The following CHCHD3 variants were observed in gnomAD, a reference collection of about 807,000 sequenced individuals.
CHCHD3 encodes the protein coiled-coil-helix-coiled-coil-helix domain containing 3, also known as MICOS complex subunit MIC19.
CHCHD3 carries 20 observed loss-of-function variants against 38.2 expected under a neutral mutation model. The ratio of observed to expected loss-of-function variants is 0.52; its 90% CI spans 0.37 to 0.76. The LOEUF (loss-of-function observed/expected upper bound fraction) is 0.76, where lower values mean the gene tolerates loss of function less well. Among genes scored for constraint, CHCHD3 ranks in the 30% least tolerant of loss-of-function variants. The pLI is 0.00. For missense variants in CHCHD3, 245 were observed against 279.2 expected (o/e 0.88, Z 0.87); for synonymous variants, 82 against 100.0 (o/e 0.82, Z 1.07).
intron 6 of CHCHD3, among the ~76,000 whole-genome samples, chr7:132,820,865 C>T (rs1807357029): frequency 1.3e-5 from 2 of 152,116 alleles, no homozygotes; most frequent in African/African-American, 4.8e-5. Flanking sequence ...GAAAAATATT[C>T]TAAAACTATG....
Position 132,788,127 on chromosome 7 carries a change from C to T in CHCHD3, c.661-2467G>A, listed in dbSNP as rs569791601. 6.6e-6 allele frequency among the ~76,000 whole-genome samples: 1 copy of T among 152,300 alleles called. No homozygotes were observed. The highest frequency in any genetic ancestry group is 2.1e-4 in the South Asian group (1 of 4,824). ...TGATCTGTGTGAGCCTCTCCAATCA[C>T]ATAGATGATAAGTTCTATAAATTCC... On this transcript the variant is annotated intron_variant, in intron 7 of 7. Coordinates refer to ENST00000262570, the MANE Select transcript of CHCHD3 (RefSeq NM_017812.4). The surrounding 1 kb of genome is among the most constrained non-coding windows in gnomAD (Gnocchi z 4.0).
chr7:133,062,094 A>T (rs62465354), intron 2 of CHCHD3, among the ~76,000 whole-genome samples: 1 of 151,500 alleles, frequency 6.6e-6, no homozygotes, highest in African/African-American at 2.4e-5. Context: ...CCTTACTTTT[A>T]AATTTTTTTT....
chr7:133,007,078 A>G (rs546875093), intron 3 of CHCHD3, among the ~76,000 whole-genome samples: 2 of 152,248 alleles, frequency 1.3e-5, no homozygotes, highest in Admixed American at 6.5e-5. Context: ...CATTTCTCTA[A>G]TTTTCTAAAC....
intron 4 of CHCHD3, among the ~76,000 whole-genome samples, chr7:132,960,675 A>G (rs1177591792): frequency 6.6e-6 from 1 of 152,172 alleles, no homozygotes; most frequent in Non-Finnish European, 1.5e-5. Flanking sequence ...TCTAATGGTC[A>G]CATTAAAAAT....
intron 4 of CHCHD3, among the ~76,000 whole-genome samples, chr7:132,956,426 T>C (rs1311002355): frequency 1.3e-5 from 2 of 152,238 alleles, no homozygotes; most frequent in Non-Finnish European, 2.9e-5. Flanking sequence ...GTCAAATACA[T>C]ACACAAACAC....
intron 3 of CHCHD3, among the ~76,000 whole-genome samples, chr7:133,018,119 T>C (rs1813078686): frequency 6.6e-6 from 1 of 152,086 alleles, no homozygotes; most frequent in African/African-American, 2.4e-5. Flanking sequence ...AAAAATATGA[T>C]TAATAAAAAA....
intron 4 of CHCHD3, among the ~76,000 whole-genome samples, chr7:132,897,418 C>T (rs141600896): frequency 1.3e-5 from 2 of 152,270 alleles, no homozygotes; most frequent in East Asian, 3.9e-4. Context: ...ACCAATTGGC[C>T]ACTCAACCTC....
At chr7:132,939,497 G>A (rs1282748061) in intron 4 of CHCHD3, among the ~76,000 whole-genome samples, 1 of 152,176 alleles carries the variant, frequency 6.6e-6, no homozygotes, top group African/African-American at 2.4e-5. Flanking sequence ...TTGTAGCCTA[G>A]GAGCAACAGG....
At chr7:132,998,400 G>A (rs1034288463) in intron 3 of CHCHD3, among the ~76,000 whole-genome samples, 19 of 152,124 alleles carry the variant, frequency 1.2e-4, no homozygotes, top group African/African-American at 3.4e-4. Flanking sequence ...AAAAGACTGC[G>A]GACGCCAGGC....
At chr7:132,964,800 A>G (rs1811416749) in intron 4 of CHCHD3, among the ~76,000 whole-genome samples, 2 of 152,330 alleles carry the variant, frequency 1.3e-5, no homozygotes, top group African/African-American at 4.8e-5. Flanking sequence ...TTTGCAATAC[A>G]GGGATTCACA....
At chr7:132,888,867 G>A (rs1292690953) in intron 4 of CHCHD3, among the ~76,000 whole-genome samples, 1 of 152,018 alleles carries the variant, frequency 6.6e-6, no homozygotes, top group East Asian at 1.9e-4. Flanking sequence ...GAGAAATGGG[G>A]GAGGGAGGAG....
rs556629352 is a variant in CHCHD3, at chr7:132,892,215, C to T, written c.370-6470G>A. Among the ~76,000 whole-genome samples, 23 of 152,278 alleles carry T rather than the reference C, an allele frequency of 1.5e-4. No individual in the cohort carries two copies. In the South Asian group the frequency reaches 3.3e-3, roughly 22 times the overall value. On this transcript the variant is annotated intron_variant, in intron 4 of 7. Coordinates refer to ENST00000262570, the MANE Select transcript of CHCHD3 (RefSeq NM_017812.4). The stretch of plus-strand genomic sequence containing the variant: ...TGGAACTTCTGAGAGACTTGTTGAA[C>T]GGTTTTGACCAAAATGCTGATAGTG...
chr7:132,971,089 T>C (rs1286819969), intron 4 of CHCHD3, among the ~76,000 whole-genome samples: 2 of 152,174 alleles, frequency 1.3e-5, no homozygotes, highest in African/African-American at 4.8e-5. Context: ...TACTCTTCAA[T>C]TTCAAAAAAG....
At chr7:132,819,094 T>A (rs1347089061) in intron 6 of CHCHD3, among the ~76,000 whole-genome samples, 1 of 152,216 alleles carries the variant, frequency 6.6e-6, no homozygotes, top group Non-Finnish European at 1.5e-5. Flanking sequence ...GCACAGTATA[T>A]ATGCCAGGTG....
intron 4 of CHCHD3, among the ~76,000 whole-genome samples, chr7:132,910,607 T>C (rs751705344): frequency 8.5e-5 from 13 of 152,342 alleles, no homozygotes; most frequent in Admixed American, 2.0e-4. Context: ...TGCCAAGAGA[T>C]AGCTCTAAGC....
At position 133,056,418 on chromosome 7, in the gene CHCHD3, A is replaced by G. The variant is rs1046210687; in HGVS notation, c.169+13724T>C. Among the ~76,000 whole-genome samples, 11 of 152,040 alleles carry G rather than the reference A, an allele frequency of 7.2e-5. No individual in the cohort carries two copies. In the South Asian group the frequency reaches 1.0e-3, roughly 14 times the overall value. On this transcript the variant is annotated intron_variant, in intron 2 of 7. Transcript: ENST00000262570. The stretch of plus-strand genomic sequence containing the variant: ...CCAATTCCATCATGTCTGATTGGTA[A>G]ACTCCTATTATTCCTCCTTCAATAT...
chr7:132,957,905 T>TA (rs1253790679), intron 4 of CHCHD3, among the ~76,000 whole-genome samples: 1 of 152,196 alleles, frequency 6.6e-6, no homozygotes, highest in Non-Finnish European at 1.5e-5. Flanking sequence ...TGGATGAACT[T>TA]AGTATTGCAC....
Position 132,813,976 on chromosome 7 carries a change from T to C in CHCHD3, c.525-17399A>G, listed in dbSNP as rs10237315. On this transcript the variant is annotated intron_variant, in intron 6 of 7. Transcript: ENST00000262570. Reference sequence around the variant, plus strand: ...ATAAATGGAATTGTATTTGAAGTAATTACACTTGGCATAGATTTACCCACT... The same window carrying C: ...ATAAATGGAATTGTATTTGAAGTAACTACACTTGGCATAGATTTACCCACT... 2.6e-3 allele frequency among the ~76,000 whole-genome samples: 390 copies of C among 152,308 alleles called. 3 individuals carry two copies. The highest frequency in any genetic ancestry group is 8.8e-3 in the African/African-American group (367 of 41,566).
At chr7:133,064,799 C>T (rs1334606846) in intron 2 of CHCHD3, among the ~76,000 whole-genome samples, 1 of 152,104 alleles carries the variant, frequency 6.6e-6, no homozygotes, top group East Asian at 1.9e-4. Context: ...GGTCATTTGT[C>T]TTGTTTTTTT....
Sources: allele counts gnomAD v4.1 joint callset (sites outside exome capture counted in the v4.1 genomes callset), GRCh38; gene constraint gnomAD v4.1.1; non-coding constraint Gnocchi (gnomAD v3.1); transcripts MANE v1.5; gene names NCBI Gene and HGNC (gene_info 2026-07-23, HGNC 2026-07-21).